The following AGL variants were observed in gnomAD, a reference collection of about 807,000 sequenced individuals.
The protein encoded by AGL is glycogen debranching enzyme.
AGL carries 128 observed loss-of-function variants against 199.3 expected under a neutral mutation model. That is an observed-to-expected ratio of 0.64 (90% CI 0.56 to 0.74). The LOEUF (loss-of-function observed/expected upper bound fraction) is 0.74, where lower values mean the gene tolerates loss of function less well. AGL is among the 30% of genes least tolerant of loss of function. The probability of loss-of-function intolerance (pLI) is 0.00; values close to 1 mark genes in which losing one functional copy is unlikely to be tolerated. For missense variants in AGL, 1,809 were observed against 1,820.8 expected (o/e 0.99, Z 0.12); for synonymous variants, 584 against 594.7 (o/e 0.98, Z 0.26).
At position 99,892,534 on chromosome 1, in the gene AGL, C is replaced by T. The variant is rs1652981485; in HGVS notation, c.3186C>T (p.Ala1062=). Residue 1062 remains alanine, a synonymous_variant, in exon 24 of 34, where the codon GCC becomes GCT. Coordinates refer to ENST00000361915, the MANE Select transcript of AGL (RefSeq NM_000642.3). ...KFPSLPILSP[A]LMDVPYRLNE... is the part of the protein sequence containing the mutation. ...CTTCCCTGCCAATTCTTTCACCTGC[C>T]CTAATGGATGTACCTTATAGGTTAA... The T allele has an allele frequency of 1.9e-6, 3 of 1,613,474 alleles. No homozygotes were observed. Among genetic ancestry groups the T allele is most frequent in the African/African-American group, 2.7e-5 (2 of 74,958 alleles).
At chr1:99,892,718 T>G (rs941531826) in intron 24 of AGL, 111 bp downstream of exon 24, 1 of 1,042,150 alleles carries the variant, frequency 9.6e-7, no homozygotes, top group Non-Finnish European at 1.4e-6. Flanking sequence ...CAAGATTTTA[T>G]TTTACCACTT....
intron 8 of AGL, 152 bp downstream of exon 8, chr1:99,874,962 C>A: frequency 1.7e-6 from 2 of 1,166,726 alleles, no homozygotes; most frequent in South Asian, 1.5e-5. Flanking sequence ...TGACATTTTC[C>A]CACTTTTTCT....
chr1:99,874,845 ATTAC>A (rs781665410), intron 8 of AGL, 35 bp downstream of exon 8: 159 of 1,604,264 alleles, frequency 9.9e-5, no homozygotes, highest in Non-Finnish European at 1.3e-4. Flanking sequence ...AAATAATAAT[ATTAC>A]TTACAAACCT....
At chr1:99,899,530 T>TTCTCTCTCTCTCTCTCTTTCTCTC (rs34432483) in intron 25 of AGL, among the ~76,000 whole-genome samples, 3 of 146,968 alleles carry the variant, frequency 2.0e-5, no homozygotes, top group South Asian at 2.1e-4. Context: ...CTCTCTCTCT[T>TTCTCTCTCTCTCTCTCTTTCTCTC]TCTCTCTCTC....
chr1:99,900,917 CTT>C, intron 26 of AGL, 56 bp downstream of exon 26: 5 of 1,377,680 alleles, frequency 3.6e-6, no homozygotes, highest in Non-Finnish European at 4.0e-6. Flanking sequence ...TGAAAAATGA[CTT>C]TTAGTTTCTA....
At chr1:99,880,125 G>A (rs1240621353) in intron 13 of AGL, 79 bp downstream of exon 13, 1 of 1,576,382 alleles carries the variant, frequency 6.3e-7, no homozygotes, top group Non-Finnish European at 8.7e-7. Context: ...AGCTTCATAT[G>A]CAATGCTTAA....
Position 99,881,875 on chromosome 1 carries a change from G to A in AGL, c.2308+184G>A, listed in dbSNP as rs1652063453. On this transcript the variant is annotated intron_variant, in intron 17 of 33. Transcript: ENST00000361915. Reference sequence around the variant, plus strand: ...TGGCCAGGTATGATGGCTCACACCAGTAATCCCAACACCTCAGGAGGCTGA... The same window carrying A: ...TGGCCAGGTATGATGGCTCACACCAATAATCCCAACACCTCAGGAGGCTGA... Among the ~76,000 whole-genome samples the A allele has an allele frequency of 3.3e-5, 5 of 152,174 alleles. 1 individual carries two copies. The South Asian group carries it at 1.0e-3, about 32-fold the overall frequency.
In AGL at chr1:99,870,394, C is replaced by A. The variant is rs1005832191; in HGVS notation, c.665-6C>A. The A allele has an allele frequency of 6.2e-7, 1 of 1,613,040 alleles. No individual in the cohort carries two copies. Among genetic ancestry groups the A allele is most frequent in the Non-Finnish European group, 8.5e-7 (1 of 1,179,376 alleles). ...GATACTCCTTTGTGTCTCCTTTTTC[C>A]TTCAGCTGCTAATAGTAAATGGATC... On this transcript the variant is annotated splice_region_variant and splice_polypyrimidine_tract_variant and intron_variant, in intron 5 of 33. Transcript: ENST00000361915.
intron 21 of AGL, among the ~76,000 whole-genome samples, chr1:99,889,228 G>A (rs892707939): frequency 4.6e-5 from 7 of 152,174 alleles, no homozygotes; most frequent in African/African-American, 1.4e-4. Context: ...TAAGTAGGCT[G>A]CACACTTTCA....
At chr1:99,900,537 A>G (rs1653741757) in intron 25 of AGL, 99 bp from the exon 26 acceptor site, 1 of 1,079,066 alleles carries the variant, frequency 9.3e-7, no homozygotes, top group South Asian at 1.3e-5. Context: ...GCAAGAGAGA[A>G]AACGCATTCA....
At position 99,905,372 on chromosome 1, in the gene AGL, T is replaced by TTTGTTGTTGTTG. The variant is rs150259594; in HGVS notation, c.3700+2605_3700+2616dup. 1.0e-3 allele frequency among the ~76,000 whole-genome samples: 158 copies of TTTGTTGTTGTTG among 151,010 alleles called. 2 individuals carry two copies. Among genetic ancestry groups the TTTGTTGTTGTTG allele is most frequent in the Middle Eastern group, 3.4e-3 (1 of 292 alleles). ...CACCACAACTAGCTAATTTTTTGTA[T>TTTGTTGTTGTTG]TTGTTGTTGTTGTTGTTGTTGTTGT... On this transcript the variant is annotated intron_variant, in intron 27 of 33. Transcript: ENST00000361915.
intron 2 of AGL, among the ~76,000 whole-genome samples, chr1:99,854,945 A>ATT (rs1211950213): frequency 1.3e-5 from 2 of 152,128 alleles, no homozygotes; most frequent in African/African-American, 4.8e-5. Flanking sequence ...TCACACCTGT[A>ATT]ATCTTGGCAC....
intron 14 of AGL, 41 bp from the exon 15 acceptor site, chr1:99,881,035 G>A (rs760623600): frequency 4.5e-6 from 7 of 1,540,134 alleles, no homozygotes; most frequent in Non-Finnish European, 3.6e-6. Flanking sequence ...CTTTGCATTT[G>A]AAAGAAAGCA....
At chr1:99,880,959 A>G in intron 14 of AGL, 117 bp from the exon 15 acceptor site, 1 of 1,245,842 alleles carries the variant, frequency 8.0e-7, no homozygotes, top group Non-Finnish European at 1.2e-6. Flanking sequence ...TTTAAAAGCA[A>G]ATTAATTTAC....
chr1:99,917,639 C>T (rs567218432), intron 33 of AGL, among the ~76,000 whole-genome samples: 1 of 152,060 alleles, frequency 6.6e-6, no homozygotes, highest in Non-Finnish European at 1.5e-5. Context: ...TTTTGTGCTT[C>T]TTTTGCATTG....
chr1:99,889,898 C>T (rs943511460), intron 21 of AGL, among the ~76,000 whole-genome samples: 7 of 152,182 alleles, frequency 4.6e-5, no homozygotes, highest in Non-Finnish European at 7.4e-5. Context: ...CAGCAGGCCA[C>T]ATATTTCCAG....
intron 23 of AGL, 134 bp downstream of exon 23, chr1:99,891,873 A>G (rs1652925159): frequency 2.0e-6 from 2 of 1,003,270 alleles, no homozygotes; most frequent in Non-Finnish European, 3.1e-6. Flanking sequence ...GGTGGATAGT[A>G]AATTTATTAG....
intron 27 of AGL, among the ~76,000 whole-genome samples, chr1:99,910,366 T>C (rs964785104): frequency 1.3e-5 from 2 of 152,202 alleles, no homozygotes; most frequent in African/African-American, 4.8e-5. Context: ...GGGTTTCCCA[T>C]TGTATGAATA....
rs1248905500 is a variant in AGL at position 99,902,902 on chromosome 1, T to C, written c.3700+108T>C. The C allele has an allele frequency of 4.8e-6, 4 of 832,564 alleles. 1 individual carries two copies. The highest frequency in any genetic ancestry group is 3.0e-5 in the South Asian group (2 of 67,708). The allele number at this position is 832,564 out of a possible 1,614,324, so 51.6% of individuals were successfully genotyped here. ...TGTGCCAAACCTCACGATATAATGA[T>C]TAAAAAGATTAACATAGTTCCTGAT... On this transcript the variant is annotated intron_variant, in intron 27 of 33. Transcript: ENST00000361915.
Sources: gnomAD v4.1 joint callset for allele counts (sites outside exome capture counted in the v4.1 genomes callset) on GRCh38, gnomAD v4.1.1 for gene constraint, MANE v1.5 for transcripts, NCBI Gene and HGNC (gene_info 2026-07-23, HGNC 2026-07-21) for gene names.